DRC9: variants seen among roughly 807,000 people sequenced by gnomAD.
DRC9 encodes the protein dynein regulatory complex subunit 9, also known as dynein regulatory complex protein 9.
the DRC9 span, among the ~76,000 whole-genome samples, chr3:197,935,372 G>A: frequency 2.6e-5 from 4 of 151,868 alleles, no homozygotes; most frequent in African/African-American, 4.8e-5. Context: ...CCCAGGAGGC[G>A]GAGGTTGCGT....
At chr3:197,893,861 AAG>A in the DRC9 span, among the ~76,000 whole-genome samples, 4 of 151,792 alleles carry the variant, frequency 2.6e-5, no homozygotes, top group Non-Finnish European at 5.9e-5. Context: ...AAAAAAGAAA[AAG>A]AAAGAAAAGC....
the DRC9 span, chr3:197,950,743 A>T: frequency 1.7e-6 from 1 of 605,434 alleles, no homozygotes; most frequent in Non-Finnish European, 2.9e-6. Flanking sequence ...TTGCTTAGAT[A>T]CCAGCTGTTC....
the DRC9 span, chr3:197,943,686 A>G: frequency 8.8e-7 from 1 of 1,133,228 alleles, no homozygotes; most frequent in Non-Finnish European, 1.3e-6. Context: ...AGAGAAAGAA[A>G]GAAAAATAAG....
the DRC9 span, chr3:197,954,551 G>A: frequency 2.5e-5 from 8 of 318,384 alleles, no homozygotes; most frequent in Middle Eastern, 1.1e-3. Context: ...ACTTTGTCAC[G>A]CAGGCTGGAG....
the DRC9 span, chr3:197,913,570 G>A: frequency 2.0e-6 from 1 of 512,094 alleles, no homozygotes; most frequent in South Asian, 2.2e-5. Context: ...ACCTCGTTTT[G>A]CCCTCTCCCT....
At chr3:197,945,699 A>T in the DRC9 span, 1 of 1,009,864 alleles carries the variant, frequency 9.9e-7, no homozygotes. Flanking sequence ...AAAATGGGAA[A>T]GAAACACTGA....
the DRC9 span, chr3:197,959,517 A>G: frequency 6.6e-6 from 1 of 152,194 alleles, no homozygotes; most frequent in Non-Finnish European, 1.5e-5. Context: ...ATTTCCCAGT[A>G]TAGTAGCTTA....
the DRC9 span, chr3:197,891,530 C>T: frequency 1.3e-6 from 2 of 1,587,142 alleles, no homozygotes; most frequent in Non-Finnish European, 1.7e-6. Flanking sequence ...CAATGATGAC[C>T]TGTTCATACT....
At chr3:197,918,258 CTTTTTTTTTT>C in the DRC9 span, among the ~76,000 whole-genome samples, 2 of 60,314 alleles carry the variant, frequency 3.3e-5, no homozygotes, top group African/African-American at 6.4e-5. Context: ...TAATTTTTTG[CTTTTTTTTTT>C]TTTTTTTTTT....
At chr3:197,954,069 C>T in the DRC9 span, 5 of 1,614,090 alleles carry the variant, frequency 3.1e-6, no homozygotes, top group Non-Finnish European at 4.2e-6. Flanking sequence ...TAACTCGGGC[C>T]CATGGAAACA....
At chr3:197,932,418 A>C in the DRC9 span, 1 of 665,398 alleles carries the variant, frequency 1.5e-6, no homozygotes, top group Non-Finnish European at 2.4e-6. Context: ...GCGGATCACG[A>C]GGTCAGGAGA....
At chr3:197,926,633 A>G in the DRC9 span, among the ~76,000 whole-genome samples, 6 of 152,080 alleles carry the variant, frequency 3.9e-5, no homozygotes, top group East Asian at 1.9e-4. Context: ...AGGCTCTGCA[A>G]TCCTTCTCTG....
the DRC9 span, chr3:197,959,838 C>A: frequency 5.0e-6 from 1 of 201,210 alleles, no homozygotes; most frequent in Non-Finnish European, 1.0e-5. Context: ...GAAAGTATTC[C>A]ACTCACCTTT....
At chr3:197,945,086 T>G in the DRC9 span, among the ~76,000 whole-genome samples, 572 of 152,240 alleles carry the variant, frequency 3.8e-3, 6 homozygotes, top group African/African-American at 0.013. Flanking sequence ...CTCTGTGTAG[T>G]CTACACCACA....
the DRC9 span, among the ~76,000 whole-genome samples, chr3:197,931,091 A>AATAG: frequency 6.6e-6 from 1 of 152,134 alleles, no homozygotes; most frequent in Admixed American, 6.6e-5. Context: ...AAAGTTAAGG[A>AATAG]AATCTCTCTA....
At chr3:197,929,498 G>A in the DRC9 span, among the ~76,000 whole-genome samples, 1 of 152,112 alleles carries the variant, frequency 6.6e-6, no homozygotes, top group Non-Finnish European at 1.5e-5. This position sits in a 1 kb window ranked among gnomAD's most constrained non-coding sequence, Gnocchi z 4.6. Flanking sequence ...AGAGCCAGGT[G>A]CGGTGGCTCA....
chr3:197,926,165 A>C, the DRC9 span: 1 of 904,172 alleles, frequency 1.1e-6, no homozygotes, highest in Non-Finnish European at 1.9e-6. Flanking sequence ...TACGTGCACA[A>C]GGACCACCCC....
the DRC9 span, among the ~76,000 whole-genome samples, chr3:197,925,008 C>T: frequency 6.6e-6 from 1 of 152,146 alleles, no homozygotes; most frequent in Admixed American, 6.5e-5. Context: ...CTCGCAAATC[C>T]ACTTTGTCCT....
chr3:197,945,766 A>T, the DRC9 span: 1 of 643,022 alleles, frequency 1.6e-6, no homozygotes, highest in East Asian at 2.8e-5. Flanking sequence ...CATTTCATTA[A>T]GAGAAAATTA....
Sources: gnomAD v4.1 joint callset for allele counts (sites outside exome capture counted in the v4.1 genomes callset) on GRCh38, gnomAD v4.1.1 for gene constraint, Gnocchi (gnomAD v3.1) non-coding constraint, MANE v1.5 for transcripts, NCBI Gene and HGNC (gene_info 2026-07-23, HGNC 2026-07-21) for gene names.